The following ABCC1 variants were observed in gnomAD, a reference collection of about 807,000 sequenced individuals.
ABCC1 encodes the protein multidrug resistance-associated protein 1.
In ABCC1, 83 loss-of-function variants were observed where a neutral mutation model predicts 172.9. That is an observed-to-expected ratio of 0.48 (90% confidence interval 0.40 to 0.58). The LOEUF is 0.58. Ranked by LOEUF, ABCC1 falls within the 20% of genes least tolerant of loss-of-function variation. The pLI is 0.00. For missense variants in ABCC1, 1,817 were observed against 2,002.7 expected, an observed-to-expected ratio of 0.91 and a Z score of 1.77; for synonymous variants, 937 against 825.2, an observed-to-expected ratio of 1.14 and a Z score of -2.32.
In ABCC1 at chr16:16,016,507, G is replaced by A; in HGVS notation, c.501G>A (p.Val167=). ...TCCCCACCATGTAGGATGCCCAGGT[G>A]GACCTGTTTCGTGACATCACTTTCT... is the stretch of plus-strand genomic sequence containing the variant. ...IMTALKEDAQ[V]DLFRDITFYV... is the part of the protein sequence containing the mutation. The change falls in exon 5 of 31, where the codon GTG becomes GTA. Residue 167 remains valine, a synonymous_variant. Coordinates refer to ENST00000399410, the MANE Select transcript of ABCC1 (RefSeq NM_004996.4). The A allele has an allele frequency of 6.2e-7, 1 of 1,614,036 alleles. No homozygotes were observed. The highest frequency in any genetic ancestry group is 8.5e-7 in the Non-Finnish European group (1 of 1,179,982).
intron 1 of ABCC1, among the ~76,000 whole-genome samples, chr16:15,963,776 G>C (rs1020266463): frequency 2.0e-5 from 3 of 152,154 alleles, no homozygotes; most frequent in African/African-American, 7.2e-5. Context: ...TTCCCTCCTA[G>C]GCCTGTGATG....
chr16:16,016,517 C>A lies in ABCC1; in HGVS notation c.511C>A (p.Arg171Ser). ...LKEDAQVDLF[R>S]DITFYVYFSL... Reference sequence around the variant, plus strand: ...GTAGGATGCCCAGGTGGACCTGTTTCGTGACATCACTTTCTACGTCTACTT... The same window carrying A: ...GTAGGATGCCCAGGTGGACCTGTTTAGTGACATCACTTTCTACGTCTACTT... Residue 171 changes from arginine to serine, a missense_variant, in exon 5 of 31, where the codon CGT becomes AGT. Physicochemically the swap from Arg to Ser is moderately radical, Grantham distance 110 (BLOSUM62 -1). This residue lies in a region of ABCC1 where 398 missense variants were observed against 384.2 expected (regional missense o/e 1.04). Coordinates refer to ENST00000399410, the MANE Select transcript of ABCC1 (RefSeq NM_004996.4). The A allele has an allele frequency of 6.2e-7, 1 of 1,614,082 alleles. No individual in the cohort carries two copies.
At chr16:16,068,349 C>G in intron 13 of ABCC1, 47 bp downstream of exon 13, 3 of 1,606,482 alleles carry the variant, frequency 1.9e-6, no homozygotes, top group Non-Finnish European at 2.6e-6. Flanking sequence ...CCTTGGGGTT[C>G]TAGGCCACGA....
At position 16,132,106 on chromosome 16, in the gene ABCC1, C is replaced by T. The variant is rs527666755; in HGVS notation, c.3966+171C>T. The stretch of plus-strand genomic sequence containing the variant: ...CTGTGGCAGTAAAAGCTGTTCAGAG[C>T]GCATACAGCTTGCAGAAGTGAAGGC... On this transcript the variant is annotated intron_variant, in intron 27 of 30. Coordinates refer to ENST00000399410, the MANE Select transcript of ABCC1 (RefSeq NM_004996.4). Among the ~76,000 whole-genome samples the T allele has an allele frequency of 9.9e-5, 15 of 152,188 alleles. No homozygotes were observed. The South Asian group carries it at 2.3e-3, about 23-fold the overall frequency.
intron 1 of ABCC1, among the ~76,000 whole-genome samples, chr16:15,980,355 C>T (rs188287434): frequency 9.9e-5 from 15 of 152,128 alleles, no homozygotes; most frequent in East Asian, 3.9e-4. Flanking sequence ...TCTGTTCTCA[C>T]GCTGCTATAA....
intron 23 of ABCC1, among the ~76,000 whole-genome samples, chr16:16,116,391 C>T (rs190097340): frequency 6.6e-6 from 1 of 152,226 alleles, no homozygotes; most frequent in East Asian, 1.9e-4. Flanking sequence ...CCTTAAACTG[C>T]AGATAGTATT....
intron 26 of ABCC1, among the ~76,000 whole-genome samples, 157 bp downstream of exon 26, chr16:16,126,068 T>C (rs981483301): frequency 2.0e-5 from 3 of 152,142 alleles, no homozygotes; most frequent in Admixed American, 1.3e-4. Flanking sequence ...GCAGCACTTA[T>C]TTAGAGCCCG....
chr16:15,992,498 C>G (rs2046901994), intron 1 of ABCC1, among the ~76,000 whole-genome samples: 1 of 120,768 alleles, frequency 8.3e-6, no homozygotes, highest in African/African-American at 3.2e-5. Context: ...CTCCCAGGTT[C>G]CAGCGATTCT....
Position 16,141,443 on chromosome 16 carries a change from C to CTGCCTGGAACTGGCTGTGAA in ABCC1, c.*162_*163insTGCCTGGAACTGGCTGTGAA. The CTGCCTGGAACTGGCTGTGAA allele has an allele frequency of 1.6e-6, 1 of 636,206 alleles. No individual in the cohort carries two copies. Among genetic ancestry groups the CTGCCTGGAACTGGCTGTGAA allele is most frequent in the Non-Finnish European group, 2.7e-6 (1 of 368,614 alleles). The allele number at this position is 636,206 out of a possible 1,614,324, so 39.4% of individuals were successfully genotyped here. A position where few individuals can be genotyped will look rare whatever the true frequency, so the allele number is the denominator to read the frequency against. On this transcript the variant is annotated 3_prime_UTR_variant, in exon 31 of 31. Coordinates refer to ENST00000399410, the MANE Select transcript of ABCC1 (RefSeq NM_004996.4). Reference sequence around the variant, plus strand: ...ATTCAAAGCAGCAGCCACCGCCATCCGGTCCCCTGCCTGGAACTGGCTGTG... The same window carrying CTGCCTGGAACTGGCTGTGAA: ...ATTCAAAGCAGCAGCCACCGCCATCCTGCCTGGAACTGGCTGTGAAGGTCCCCTGCCTGGAACTGGCTGTG...
At chr16:16,036,348 G>T (rs1352540244) in intron 6 of ABCC1, 124 bp from the exon 7 acceptor site, 1 of 841,272 alleles carries the variant, frequency 1.2e-6, no homozygotes. Context: ...GCCTTCATTT[G>T]CAGCGGGCAG....
chr16:16,097,195 C>T lies in ABCC1; in HGVS notation c.2645-5432C>T, dbSNP rs557400385. Among the ~76,000 whole-genome samples, 88 of 152,288 alleles carry T rather than the reference C, an allele frequency of 5.8e-4. 1 individual carries two copies. The highest frequency in any genetic ancestry group is 1.9e-3 in the African/African-American group (79 of 41,572). On this transcript the variant is annotated intron_variant, in intron 19 of 30. Transcript: ENST00000399410. Reference sequence around the variant, plus strand: ...TGGTGCAATCTCGGCTCACTGCAACCTCCACCTCCTGGGTCCAAGTGATTC... The same window carrying T: ...TGGTGCAATCTCGGCTCACTGCAACTTCCACCTCCTGGGTCCAAGTGATTC...
intron 1 of ABCC1, among the ~76,000 whole-genome samples, chr16:15,971,613 A>G (rs1272369186): frequency 6.6e-6 from 1 of 152,168 alleles, no homozygotes; most frequent in Non-Finnish European, 1.5e-5. Context: ...TCTTCTGGCT[A>G]CTTCCTGGTG....
intron 7 of ABCC1, among the ~76,000 whole-genome samples, chr16:16,039,243 G>GTGTGTGTA (rs1555487484): frequency 1.8e-4 from 20 of 111,350 alleles, no homozygotes; most frequent in Admixed American, 1.1e-3. Flanking sequence ...GTATGTATGT[G>GTGTGTGTA]TGTGTGTGTG....
intron 20 of ABCC1, 96 bp from the exon 21 acceptor site, chr16:16,106,642 C>T (rs2152072805): frequency 1.3e-6 from 2 of 1,496,270 alleles, no homozygotes; most frequent in Non-Finnish European, 1.8e-6. Flanking sequence ...TCTCTTATGC[C>T]ATGGTTCAGA....
intron 20 of ABCC1, among the ~76,000 whole-genome samples, chr16:16,104,824 G>C (rs1363862209): frequency 1.3e-5 from 2 of 152,194 alleles, no homozygotes; most frequent in Non-Finnish European, 2.9e-5. Flanking sequence ...CCGCGGGGAG[G>C]CAGCTAAAGC....
intron 10 of ABCC1, 115 bp from the exon 11 acceptor site, chr16:16,052,609 C>T (rs1946444757): frequency 2.2e-6 from 2 of 905,464 alleles, no homozygotes; most frequent in Admixed American, 2.2e-5. Context: ...AGTAACACAC[C>T]TTGCCCTGAA....
chr16:16,117,059 A>G (rs982065689), intron 23 of ABCC1, among the ~76,000 whole-genome samples: 2 of 152,162 alleles, frequency 1.3e-5, no homozygotes, highest in African/African-American at 4.8e-5. Context: ...AAGGGTGCAC[A>G]ATTTAAAACT....
intron 12 of ABCC1, 90 bp from the exon 13 acceptor site, chr16:16,068,066 C>T (rs2050180537): frequency 2.0e-6 from 3 of 1,522,294 alleles, no homozygotes; most frequent in Non-Finnish European, 2.7e-6. Flanking sequence ...CTGGGGAGGG[C>T]CCAAGCGCGT....
intron 1 of ABCC1, among the ~76,000 whole-genome samples, chr16:15,988,371 G>T (rs1207873397): frequency 6.6e-6 from 1 of 152,092 alleles, no homozygotes; most frequent in African/African-American, 2.4e-5. Context: ...GGTCCCTATT[G>T]TTCACTGCTG....
Sources: gnomAD v4.1 joint callset for allele counts (sites outside exome capture counted in the v4.1 genomes callset) on GRCh38, gnomAD v4.1.1 for gene constraint, gnomAD v4.1.1 regional missense constraint, MANE v1.5 for transcripts, NCBI Gene and HGNC (gene_info 2026-07-23, HGNC 2026-07-21) for gene names.